The following FSTL5 variants were observed in gnomAD, a reference collection of about 807,000 sequenced individuals.
FSTL5 encodes the protein follistatin-related protein 5.
FSTL5 carries 62 observed loss-of-function variants against 89.1 expected under a neutral mutation model. The ratio of observed to expected loss-of-function variants is 0.70; its 90% CI spans 0.57 to 0.86. The LOEUF (loss-of-function observed/expected upper bound fraction) is 0.86, where lower values mean the gene tolerates loss of function less well. Ranked by LOEUF, FSTL5 falls within the 40% of genes least tolerant of loss-of-function variation. FSTL5 has a pLI of 0.00. For synonymous variants in FSTL5, 383 were observed against 346.2 expected, an observed-to-expected ratio of 1.11 and a Z score of -1.18; for missense variants, 1,057 against 1,001.6, an observed-to-expected ratio of 1.06 and a Z score of -0.75.
At chr4:161,902,492 C>A (rs531626445) in intron 4 of FSTL5, among the ~76,000 whole-genome samples, 1 of 152,254 alleles carries the variant, frequency 6.6e-6, no homozygotes, top group African/African-American at 2.4e-5. Context: ...ACAAATTCTT[C>A]ATTGAATGTG....
In FSTL5 at chr4:162,007,277, T is replaced by C. The variant is rs545137657; in HGVS notation, c.160+26348A>G. On this transcript the variant is annotated intron_variant, in intron 3 of 15. Coordinates refer to ENST00000306100, the MANE Select transcript of FSTL5 (RefSeq NM_020116.5). ...TTAAAGAATGACCTAAAGTTATTTA[T>C]GCCAAAGGAGATCAAAGTCCAGCAT... 1.1e-4 allele frequency among the ~76,000 whole-genome samples: 16 copies of C among 152,058 alleles called. No individual in the cohort carries two copies. In the South Asian group the frequency reaches 3.3e-3, roughly 31 times the overall value.
At chr4:161,676,124 T>C (rs959196832) in intron 6 of FSTL5, among the ~76,000 whole-genome samples, 8 of 152,090 alleles carry the variant, frequency 5.3e-5, no homozygotes, top group African/African-American at 9.7e-5. Context: ...GAAACCTTGA[T>C]TAATTAACAT....
intron 6 of FSTL5, among the ~76,000 whole-genome samples, chr4:161,745,378 C>T (rs1249852536): frequency 6.6e-6 from 1 of 151,950 alleles, no homozygotes; most frequent in African/African-American, 2.4e-5. Context: ...GTGCTACTTT[C>T]TTAGAAATAA....
intron 6 of FSTL5, among the ~76,000 whole-genome samples, chr4:161,746,859 C>T (rs2126777442): frequency 6.6e-6 from 1 of 152,224 alleles, no homozygotes; most frequent in African/African-American, 2.4e-5. Context: ...ACTTTTGTCT[C>T]CCCCAGTCCC....
chr4:161,803,041 T>A (rs1304588387), intron 4 of FSTL5, among the ~76,000 whole-genome samples: 1 of 151,930 alleles, frequency 6.6e-6, no homozygotes, highest in East Asian at 1.9e-4. Flanking sequence ...AAAAGTGAAT[T>A]AATTTGCCGC....
intron 1 of FSTL5, among the ~76,000 whole-genome samples, chr4:162,130,148 A>T (rs2111455633): frequency 6.6e-6 from 1 of 152,286 alleles, no homozygotes; most frequent in East Asian, 1.9e-4. Context: ...CTTGATGAAG[A>T]GTTTAGGAAA....
At chr4:161,611,226 GTATACA>G (rs1560978235) in intron 7 of FSTL5, among the ~76,000 whole-genome samples, 1 of 92,046 alleles carries the variant, frequency 1.1e-5, no homozygotes, top group African/African-American at 4.3e-5. Context: ...GTGTGTATGT[GTATACA>G]TATATATATA....
chr4:162,069,475 C>G (rs758974297), intron 2 of FSTL5, among the ~76,000 whole-genome samples: 9 of 151,794 alleles, frequency 5.9e-5, no homozygotes, highest in Non-Finnish European at 1.3e-4. Context: ...TTCTGAAGAA[C>G]ACTGGAACTT....
intron 7 of FSTL5, among the ~76,000 whole-genome samples, chr4:161,589,139 C>T (rs1733721320): frequency 6.7e-6 from 1 of 149,572 alleles, no homozygotes; most frequent in Non-Finnish European, 1.5e-5. Context: ...CAGGAGCACT[C>T]CATCACACCC....
chr4:161,664,529 C>A (rs572661375), intron 6 of FSTL5, among the ~76,000 whole-genome samples: 28 of 152,258 alleles, frequency 1.8e-4, no homozygotes, highest in Non-Finnish European at 3.5e-4. Flanking sequence ...CTGAGACCAC[C>A]TCAGCCTGGA....
chr4:161,818,275 A>G (rs1001784928), intron 4 of FSTL5, among the ~76,000 whole-genome samples: 1 of 152,142 alleles, frequency 6.6e-6, no homozygotes, highest in Non-Finnish European at 1.5e-5. Context: ...GAGGAAAACC[A>G]TCTTCCTTCC....
At chr4:161,789,943 C>G (rs1048968206) in intron 4 of FSTL5, among the ~76,000 whole-genome samples, 11 of 152,104 alleles carry the variant, frequency 7.2e-5, no homozygotes, top group African/African-American at 2.7e-4. Flanking sequence ...TTCTTTATTG[C>G]TACACAAAAC....
chr4:161,467,059 G>A (rs930878594), intron 13 of FSTL5, among the ~76,000 whole-genome samples: 2 of 152,048 alleles, frequency 1.3e-5, no homozygotes, highest in East Asian at 3.9e-4. Context: ...AATACTAGGG[G>A]ATCAGTTGGA....
chr4:161,709,563 G>T (rs905598098), intron 6 of FSTL5, among the ~76,000 whole-genome samples: 1 of 152,110 alleles, frequency 6.6e-6, no homozygotes, highest in Non-Finnish European at 1.5e-5. Flanking sequence ...CATTTTGGGA[G>T]GCCGAGGCAG....
At chr4:161,833,852 C>T (rs1164950759) in intron 4 of FSTL5, among the ~76,000 whole-genome samples, 5 of 151,790 alleles carry the variant, frequency 3.3e-5, no homozygotes, top group Non-Finnish European at 7.4e-5. Flanking sequence ...CAGTCTGTGT[C>T]TTTTAATTGG....
At chr4:161,997,268 CAGATTT>C (rs1400029598) in intron 3 of FSTL5, among the ~76,000 whole-genome samples, 1 of 152,058 alleles carries the variant, frequency 6.6e-6, no homozygotes, top group Non-Finnish European at 1.5e-5. Flanking sequence ...TATGTTTTAG[CAGATTT>C]TTCCTTATTG....
chr4:162,062,582 T>A (rs1017896530), intron 2 of FSTL5, among the ~76,000 whole-genome samples: 1 of 151,672 alleles, frequency 6.6e-6, no homozygotes, highest in Non-Finnish European at 1.5e-5. Context: ...TTACTTTATA[T>A]CCATATAGAA....
intron 7 of FSTL5, among the ~76,000 whole-genome samples, chr4:161,623,672 A>G (rs1168683226): frequency 6.6e-6 from 1 of 151,878 alleles, no homozygotes; most frequent in African/African-American, 2.4e-5. Flanking sequence ...GAAAGAAAAA[A>G]TTAAATTATG....
intron 1 of FSTL5, among the ~76,000 whole-genome samples, chr4:162,134,511 C>T (rs876000): frequency 0.23 from 35,320 of 151,908 alleles, 4,274 homozygotes; most frequent in Non-Finnish European, 0.25. Context: ...ATGAAATATA[C>T]CTGGAAAACA....
Sources: allele counts gnomAD v4.1 joint callset (sites outside exome capture counted in the v4.1 genomes callset), GRCh38; gene constraint gnomAD v4.1.1; transcripts MANE v1.5; gene names NCBI Gene and HGNC (gene_info 2026-07-23, HGNC 2026-07-21).